The following MAN2A1 variants were observed in gnomAD, a reference collection of about 807,000 sequenced individuals.
MAN2A1 encodes alpha-mannosidase 2.
MAN2A1 carries 76 observed loss-of-function variants against 142.6 expected under a neutral mutation model. The observed-to-expected ratio is 0.53, with a 90% CI of 0.44 to 0.65. The LOEUF is 0.65. MAN2A1 is among the 30% of genes least tolerant of loss of function. The pLI, the probability that MAN2A1 is intolerant of heterozygous loss-of-function variation, is 0.00. For synonymous variants in MAN2A1, 559 were observed against 473.2 expected (o/e 1.18, Z -2.35); for missense variants, 1,311 against 1,365.1 (o/e 0.96, Z 0.62).
intron 6 of MAN2A1, among the ~76,000 whole-genome samples, chr5:109,769,486 C>T (rs944045403): frequency 1.3e-5 from 2 of 152,108 alleles, no homozygotes; most frequent in African/African-American, 4.8e-5. Context: ...GAAATCCATA[C>T]ATAAATAAAG....
In MAN2A1 at chr5:109,741,215, T is replaced by G. The variant is rs949657134; in HGVS notation, c.707+11702T>G. ...AGGAAAAATGGTTTTATAGCCAGATTAGTGCAGATGAATTCTGTTTCTGGT... is the reference window on the plus strand; with the variant it reads ...AGGAAAAATGGTTTTATAGCCAGATGAGTGCAGATGAATTCTGTTTCTGGT... On this transcript the variant is annotated intron_variant, in intron 4 of 21. Transcript: ENST00000261483. 2.0e-5 allele frequency among the ~76,000 whole-genome samples: 3 copies of G among 152,188 alleles called. No homozygotes were observed. In the East Asian group the frequency reaches 5.8e-4, roughly 29 times the overall value.
chr5:109,798,767 C>T (rs551424415), intron 12 of MAN2A1, among the ~76,000 whole-genome samples: 3 of 152,178 alleles, frequency 2.0e-5, no homozygotes, highest in African/African-American at 4.8e-5. Context: ...CTGCAAGCTC[C>T]GCCTCCCAGG....
intron 20 of MAN2A1, among the ~76,000 whole-genome samples, chr5:109,856,340 G>T (rs1269802464): frequency 6.6e-6 from 1 of 152,246 alleles, no homozygotes; most frequent in Admixed American, 6.5e-5. Context: ...TTGGCACCTT[G>T]CCTAAATAAT....
chr5:109,764,272 C>T (rs1752932266), intron 5 of MAN2A1, among the ~76,000 whole-genome samples: 1 of 152,166 alleles, frequency 6.6e-6, no homozygotes, highest in Admixed American at 6.5e-5. Flanking sequence ...ATTAGGTTTG[C>T]CAAAAATTGA....
intron 12 of MAN2A1, among the ~76,000 whole-genome samples, chr5:109,789,806 C>T (rs575276200): frequency 6.3e-4 from 96 of 151,826 alleles, no homozygotes; most frequent in African/African-American, 2.2e-3. Context: ...ATTTTCTTAT[C>T]TCTATAAAAT....
At chr5:109,844,948 A>G (rs1755309283) in intron 17 of MAN2A1, among the ~76,000 whole-genome samples, 1 of 152,236 alleles carries the variant, frequency 6.6e-6, no homozygotes, top group South Asian at 2.1e-4. Context: ...AGAGGGAGGC[A>G]TTATTCAACC....
intron 16 of MAN2A1, among the ~76,000 whole-genome samples, chr5:109,832,429 G>A (rs1383172766): frequency 2.6e-5 from 4 of 151,912 alleles, no homozygotes; most frequent in Admixed American, 2.0e-4. Flanking sequence ...ATCCTGCACC[G>A]CCCTTAATCC....
chr5:109,699,217 C>T lies in MAN2A1; in HGVS notation c.135+8665C>T, dbSNP rs113268313. On this transcript the variant is annotated intron_variant, in intron 1 of 21. Coordinates refer to ENST00000261483, the MANE Select transcript of MAN2A1 (RefSeq NM_002372.4). ...GCCTTCTCCCACTCAATTTCTCTTC[C>T]TTCTCATTTCTCACCCTCCCTCAGC... Among the ~76,000 whole-genome samples, 72 of 152,252 alleles carry T rather than the reference C, an allele frequency of 4.7e-4. 1 individual carries two copies. The highest frequency in any genetic ancestry group is 8.5e-4 in the Non-Finnish European group (58 of 68,020).
At chr5:109,739,245 CTTTA>C (rs1333986757) in intron 4 of MAN2A1, among the ~76,000 whole-genome samples, 1 of 152,060 alleles carries the variant, frequency 6.6e-6, no homozygotes, top group Non-Finnish European at 1.5e-5. Flanking sequence ...TGCTCACTTA[CTTTA>C]TTTATGAAAT....
intron 20 of MAN2A1, among the ~76,000 whole-genome samples, chr5:109,860,535 A>C (rs1257659263): frequency 6.6e-6 from 1 of 152,204 alleles, no homozygotes; most frequent in Non-Finnish European, 1.5e-5. Context: ...GGTCCCATGC[A>C]TCCTGGAGAA....
At chr5:109,722,658 C>T (rs1387510777) in intron 3 of MAN2A1, among the ~76,000 whole-genome samples, 3 of 152,068 alleles carry the variant, frequency 2.0e-5, no homozygotes, top group East Asian at 1.9e-4. Flanking sequence ...TCAAGTGATC[C>T]GTCCGCCTTG....
At chr5:109,782,010 G>A (rs193234389) in intron 9 of MAN2A1, among the ~76,000 whole-genome samples, 1 of 152,230 alleles carries the variant, frequency 6.6e-6, no homozygotes, top group African/African-American at 2.4e-5. Context: ...CCTCCCAGCA[G>A]CCAAACGTGA....
At chr5:109,715,852 GAGA>G (rs1309653663) in intron 2 of MAN2A1, among the ~76,000 whole-genome samples, 1 of 152,024 alleles carries the variant, frequency 6.6e-6, no homozygotes, top group Non-Finnish European at 1.5e-5. Context: ...AGTAAAGTAG[GAGA>G]AGAAGGAATA....
intron 4 of MAN2A1, among the ~76,000 whole-genome samples, chr5:109,750,622 A>G (rs1320505280): frequency 6.6e-6 from 1 of 152,124 alleles, no homozygotes. Flanking sequence ...TGTCATTTAT[A>G]TATGATATGA....
At chr5:109,818,372 G>T (rs144344216) in intron 13 of MAN2A1, among the ~76,000 whole-genome samples, 205 of 152,072 alleles carry the variant, frequency 1.3e-3, no homozygotes, top group African/African-American at 4.7e-3. Context: ...TCCTGACCCC[G>T]TGATCCACCT....
chr5:109,778,177 A>G (rs775723200), intron 8 of MAN2A1, among the ~76,000 whole-genome samples: 1 of 151,968 alleles, frequency 6.6e-6, no homozygotes, highest in Non-Finnish European at 1.5e-5. Flanking sequence ...GGGCCATCTA[A>G]TCGATGAACG....
chr5:109,738,106 A>G (rs899600089), intron 4 of MAN2A1, among the ~76,000 whole-genome samples: 4 of 152,022 alleles, frequency 2.6e-5, no homozygotes, highest in Non-Finnish European at 4.4e-5. Context: ...GGCAAAATTT[A>G]TTTCCTCATG....
intron 20 of MAN2A1, chr5:109,864,815 A>G (rs988790469): frequency 2.9e-5 from 14 of 489,338 alleles, no homozygotes; most frequent in East Asian, 2.5e-4. Flanking sequence ...TTACCTAACA[A>G]GGAACCTTAG....
intron 10 of MAN2A1, among the ~76,000 whole-genome samples, chr5:109,786,550 A>G (rs984098188): frequency 1.3e-5 from 2 of 152,108 alleles, no homozygotes; most frequent in African/African-American, 4.8e-5. Context: ...TGTTAGAGAA[A>G]AAAAGGTAGT....
Sources: allele counts gnomAD v4.1 joint callset (sites outside exome capture counted in the v4.1 genomes callset), GRCh38; gene constraint gnomAD v4.1.1; transcripts MANE v1.5; gene names NCBI Gene and HGNC (gene_info 2026-07-23, HGNC 2026-07-21).